KCNH8: variants seen among roughly 807,000 people sequenced by gnomAD.
KCNH8 encodes the protein potassium voltage-gated channel subfamily H member 8.
A neutral mutation model predicts 103.6 loss-of-function variants in KCNH8; 70 were observed. That is an observed-to-expected ratio of 0.68 (90% confidence interval 0.56 to 0.82). The LOEUF is 0.82. Among genes scored for constraint, KCNH8 ranks in the 40% least tolerant of loss-of-function variants. The pLI is 0.00. For synonymous variants in KCNH8, 498 were observed against 489.4 expected, an observed-to-expected ratio of 1.02 and a Z score of -0.23; for missense variants, 1,217 against 1,329.9, an observed-to-expected ratio of 0.92 and a Z score of 1.32.
rs763939906 is a variant in KCNH8, at chr3:19,478,357, A to G, written c.2040+21375A>G. Among the ~76,000 whole-genome samples, 3 of 152,142 alleles carry G rather than the reference A, an allele frequency of 2.0e-5. No individual in the cohort carries two copies. The South Asian group carries it at 6.2e-4, about 32-fold the overall frequency. ...TATTTTTAGTTTTTGAGAAATCTCC[A>G]TACTCTTTTTCATAAAGCTTGTACT... On this transcript the variant is annotated intron_variant, in intron 11 of 15. Coordinates refer to ENST00000328405, the MANE Select transcript of KCNH8 (RefSeq NM_144633.3).
chr3:19,267,577 C>G lies in KCNH8; in HGVS notation c.311-13621C>G, dbSNP rs374334829. Among the ~76,000 whole-genome samples, 16 of 152,062 alleles carry G rather than the reference C, an allele frequency of 1.1e-4. No homozygotes were observed. The East Asian group carries it at 2.7e-3, about 26-fold the overall frequency. On this transcript the variant is annotated intron_variant, in intron 2 of 15. Transcript: ENST00000328405. ...AATGTGACCTTTGTGTGTGAAGGCT[C>G]GAGTTTGAGTCCTTGCACAGTCACC...
intron 15 of KCNH8, among the ~76,000 whole-genome samples, chr3:19,526,968 T>C (rs929057272): frequency 6.6e-6 from 1 of 151,974 alleles, no homozygotes; most frequent in Non-Finnish European, 1.5e-5. Context: ...TAAATACATG[T>C]AGTAGCTGCC....
At chr3:19,460,397 C>A (rs1422071007) in intron 11 of KCNH8, among the ~76,000 whole-genome samples, 1 of 152,120 alleles carries the variant, frequency 6.6e-6, no homozygotes, top group Admixed American at 6.6e-5. Context: ...TAGAGTACTA[C>A]CCCTTGCTGT....
At chr3:19,233,071 C>CA (rs1559434193) in intron 1 of KCNH8, among the ~76,000 whole-genome samples, 3 of 106,628 alleles carry the variant, frequency 2.8e-5, no homozygotes, top group African/African-American at 4.0e-5. Context: ...TCCCCCCCCC[C>CA]ACCCCACTAC....
At chr3:19,175,155 T>C (rs2063385074) in intron 1 of KCNH8, among the ~76,000 whole-genome samples, 1 of 152,210 alleles carries the variant, frequency 6.6e-6, no homozygotes, top group South Asian at 2.1e-4. Context: ...AGAGATACTC[T>C]GTTCATATTT....
intron 3 of KCNH8, among the ~76,000 whole-genome samples, chr3:19,308,087 T>C (rs1048633432): frequency 1.3e-5 from 2 of 151,874 alleles, no homozygotes; most frequent in Non-Finnish European, 2.9e-5. Context: ...ATGTGTAAGA[T>C]GATGATTATG....
chr3:19,510,310 T>TC (rs1245161048), intron 11 of KCNH8, 53 bp from the exon 12 acceptor site: 2 of 1,129,504 alleles, frequency 1.8e-6, no homozygotes. Context: ...TTTCACCCAG[T>TC]CCCAAACCAC....
intron 15 of KCNH8, among the ~76,000 whole-genome samples, chr3:19,527,340 C>T (rs1422702280): frequency 4.6e-5 from 7 of 152,048 alleles, no homozygotes; most frequent in Non-Finnish European, 1.0e-4. Context: ...TAAATACTTT[C>T]TGGATTAGGA....
At chr3:19,479,259 A>T (rs2068039284) in intron 11 of KCNH8, among the ~76,000 whole-genome samples, 1 of 152,106 alleles carries the variant, frequency 6.6e-6, no homozygotes, top group Admixed American at 6.6e-5. Flanking sequence ...TCAATTACTT[A>T]ACTTGTACTT....
In KCNH8 at chr3:19,396,036, T is replaced by C. The variant is rs575439225; in HGVS notation, c.1177+725T>C. Among the ~76,000 whole-genome samples the C allele has an allele frequency of 2.6e-5, 4 of 152,168 alleles. No homozygotes were observed. The South Asian group carries it at 6.2e-4, about 24-fold the overall frequency. On this transcript the variant is annotated intron_variant, in intron 7 of 15. Transcript: ENST00000328405. ...GAAAATTCTCAAAACTATAACTCTC[T>C]ATCCCAAAAATCTGCATTTTTCTCA... is the stretch of plus-strand genomic sequence containing the variant.
intron 3 of KCNH8, among the ~76,000 whole-genome samples, chr3:19,318,640 A>AGTGT (rs113809907): frequency 2.5e-4 from 33 of 131,342 alleles, no homozygotes; most frequent in African/African-American, 6.6e-4. Context: ...TTACATGGTA[A>AGTGT]GTGTGTGTGT....
rs1373977401 is a variant in KCNH8, at chr3:19,281,380, T to C, written c.442+51T>C. ...GACAGATGGAGTAACATTTTGAAATTGTTTACTTAAAAACTCTTGGAGAAA... is the reference window on the plus strand; with the variant it reads ...GACAGATGGAGTAACATTTTGAAATCGTTTACTTAAAAACTCTTGGAGAAA... On this transcript the variant is annotated intron_variant, in intron 3 of 15. Coordinates refer to ENST00000328405, the MANE Select transcript of KCNH8 (RefSeq NM_144633.3). 2.6e-6 allele frequency: 4 copies of C among 1,519,926 alleles called. No individual in the cohort carries two copies. In the Admixed American group the frequency reaches 9.2e-5, roughly 35 times the overall value. The allele number at this position is 1,519,926 out of a possible 1,614,324, so 94.2% of individuals were successfully genotyped here.
intron 1 of KCNH8, among the ~76,000 whole-genome samples, chr3:19,182,693 G>A (rs555302948): frequency 3.3e-5 from 5 of 152,296 alleles, no homozygotes; most frequent in Non-Finnish European, 4.4e-5. Context: ...CTGAGCCCTA[G>A]TAGGCCTCTT....
chr3:19,280,769 G>T (rs899494462), intron 2 of KCNH8, among the ~76,000 whole-genome samples: 2 of 151,954 alleles, frequency 1.3e-5, no homozygotes, highest in Non-Finnish European at 2.9e-5. Flanking sequence ...ATTCTGTTGG[G>T]CAAGCTTTGA....
intron 2 of KCNH8, among the ~76,000 whole-genome samples, chr3:19,271,203 A>G (rs986312802): frequency 6.6e-6 from 1 of 152,126 alleles, no homozygotes; most frequent in African/African-American, 2.4e-5. Flanking sequence ...ATATGATTTG[A>G]GGTCTAGTCC....
intron 1 of KCNH8, among the ~76,000 whole-genome samples, chr3:19,183,010 C>A (rs1381356154): frequency 2.0e-5 from 3 of 152,154 alleles, no homozygotes; most frequent in Admixed American, 2.0e-4. Flanking sequence ...CATTATGAAA[C>A]ATCATAGCAA....
At chr3:19,519,934 T>C (rs562951803) in intron 15 of KCNH8, among the ~76,000 whole-genome samples, 1 of 151,932 alleles carries the variant, frequency 6.6e-6, no homozygotes, top group Non-Finnish European at 1.5e-5. Flanking sequence ...ATGTAGATAA[T>C]TTTTCCAAGT....
chr3:19,481,287 T>C lies in KCNH8; in HGVS notation c.2040+24305T>C, dbSNP rs532161492. On this transcript the variant is annotated intron_variant, in intron 11 of 15. Coordinates refer to ENST00000328405, the MANE Select transcript of KCNH8 (RefSeq NM_144633.3). ...ACCTAAATAATATATATTATACTCA[T>C]AAGTAATATCTTATCCTCCCCAAAG... Among the ~76,000 whole-genome samples, 11 of 152,266 alleles carry C rather than the reference T, an allele frequency of 7.2e-5. No individual in the cohort carries two copies. The South Asian group carries it at 1.9e-3, about 26-fold the overall frequency.
At chr3:19,148,878 C>T in intron 1 of KCNH8, 83 bp downstream of exon 1, 1 of 1,198,476 alleles carries the variant, frequency 8.3e-7, no homozygotes, top group East Asian at 2.3e-5. Context: ...CCCACCTTCC[C>T]TTTTGCACCA....
Sources: allele counts gnomAD v4.1 joint callset (sites outside exome capture counted in the v4.1 genomes callset), GRCh38; gene constraint gnomAD v4.1.1; transcripts MANE v1.5; gene names NCBI Gene and HGNC (gene_info 2026-07-23, HGNC 2026-07-21).